The following SHROOM3 variants were observed in gnomAD, a reference collection of about 807,000 sequenced individuals.
SHROOM3 encodes the protein shroom family member 3, also known as protein Shroom3.
In SHROOM3, 47 loss-of-function variants were observed where a neutral mutation model predicts 138.6. That is an observed-to-expected ratio of 0.34 (90% CI 0.27 to 0.43). The LOEUF (loss-of-function observed/expected upper bound fraction) is 0.43. Among genes scored for constraint, SHROOM3 ranks in the 20% least tolerant of loss-of-function variants. SHROOM3 has a pLI of 1.00. For synonymous variants in SHROOM3, 1,062 were observed against 1,063.3 expected, an observed-to-expected ratio of 1.00 and a Z score of 0.02; for missense variants, 2,491 against 2,596.5, an observed-to-expected ratio of 0.96 and a Z score of 0.88.
chr4:76,558,026 G>A (rs1412606885), intron 2 of SHROOM3, among the ~76,000 whole-genome samples: 1 of 152,158 alleles, frequency 6.6e-6, no homozygotes, highest in African/African-American at 2.4e-5. Flanking sequence ...TGGAACCCAG[G>A]AGCCCAGTTT....
At position 76,709,933 on chromosome 4, in the gene SHROOM3, A is replaced by C. The variant is rs1025172778; in HGVS notation, c.324-223A>C. 14 of 528,154 alleles carry C rather than the reference A, an allele frequency of 2.7e-5. No homozygotes were observed. In the East Asian group the frequency reaches 4.8e-4, roughly 18 times the overall value. 32.7% of individuals were successfully genotyped at this position (528,154 alleles called of 1,614,324 possible). On this transcript the variant is annotated intron_variant, in intron 2 of 10. Coordinates refer to ENST00000296043, the MANE Select transcript of SHROOM3 (RefSeq NM_020859.4). ...GGGAAATAATGCTTTATTGCTTCAGAGGAACATGGATAAAAAAGGAAGACA... is the reference window on the plus strand; with the variant it reads ...GGGAAATAATGCTTTATTGCTTCAGCGGAACATGGATAAAAAAGGAAGACA...
chr4:76,730,071 T>A (rs1046974629), intron 3 of SHROOM3, among the ~76,000 whole-genome samples: 1 of 152,242 alleles, frequency 6.6e-6, no homozygotes, highest in South Asian at 2.1e-4. Flanking sequence ...GACTCTGACT[T>A]TCTATAGTCC....
In SHROOM3 at chr4:76,665,461, T is replaced by A. The variant is rs72870036; in HGVS notation, c.324-44695T>A. ...CTTGGACTGTCAGAAGAACCAGTCA[T>A]CTGGAAGAGAGCCCAGATCCATATG... On this transcript the variant is annotated intron_variant, in intron 2 of 10. Coordinates refer to ENST00000296043, the MANE Select transcript of SHROOM3 (RefSeq NM_020859.4). 5.2e-3 allele frequency among the ~76,000 whole-genome samples: 785 copies of A among 152,330 alleles called. 3 individuals carry two copies. The highest frequency in any genetic ancestry group is 0.018 in the African/African-American group (740 of 41,572).
chr4:76,626,634 T>A (rs769980069), intron 2 of SHROOM3, among the ~76,000 whole-genome samples: 16 of 152,222 alleles, frequency 1.1e-4, no homozygotes, highest in Admixed American at 3.9e-4. Flanking sequence ...AGGCATTTTA[T>A]TTGCATCATC....
At chr4:76,543,584 T>C (rs1320594423) in intron 1 of SHROOM3, among the ~76,000 whole-genome samples, 1 of 152,214 alleles carries the variant, frequency 6.6e-6, no homozygotes, top group African/African-American at 2.4e-5. Flanking sequence ...TACATGTCCA[T>C]GATGTGTCTG....
At chr4:76,562,462 C>T (rs981292170) in intron 2 of SHROOM3, among the ~76,000 whole-genome samples, 1 of 152,112 alleles carries the variant, frequency 6.6e-6, no homozygotes, top group Non-Finnish European at 1.5e-5. Flanking sequence ...CTGTAACTCA[C>T]CCAGGATTTG....
chr4:76,480,198 G>T (rs1380009676), intron 1 of SHROOM3, among the ~76,000 whole-genome samples: 2 of 152,154 alleles, frequency 1.3e-5, no homozygotes, highest in Admixed American at 6.5e-5. Context: ...CTGGCAAATT[G>T]GATAAAGAGT....
intron 9 of SHROOM3, among the ~76,000 whole-genome samples, chr4:76,765,621 T>C (rs1297248271): frequency 6.6e-6 from 1 of 152,144 alleles, no homozygotes; most frequent in East Asian, 1.9e-4. Context: ...GCCAACTGTG[T>C]GTGTAGAGTG....
chr4:76,467,606 C>T (rs185663721), intron 1 of SHROOM3, among the ~76,000 whole-genome samples: 3 of 152,292 alleles, frequency 2.0e-5, no homozygotes, highest in African/African-American at 4.8e-5. Context: ...TAATCACTCC[C>T]TATGTATTTT....
intron 2 of SHROOM3, among the ~76,000 whole-genome samples, chr4:76,668,491 T>C (rs903856354): frequency 3.9e-5 from 6 of 152,088 alleles, no homozygotes; most frequent in Non-Finnish European, 5.9e-5. Context: ...GAGAATTGCT[T>C]GAACCAAGGA....
In SHROOM3 at chr4:76,783,028, T is replaced by C. The variant is rs1722772261; in HGVS notation, c.*3851T>C. Reference sequence around the variant, plus strand: ...TTGGAATGCTTGTTAAAAATACCAATTGCTATGACAAAACCAAGTCTGCTG... The same window carrying C: ...TTGGAATGCTTGTTAAAAATACCAACTGCTATGACAAAACCAAGTCTGCTG... On this transcript the variant is annotated 3_prime_UTR_variant, in exon 11 of 11. Coordinates refer to ENST00000296043, the MANE Select transcript of SHROOM3 (RefSeq NM_020859.4). 6.6e-6 allele frequency: 1 copy of C among 152,176 alleles called. No individual in the cohort carries two copies. The highest frequency in any genetic ancestry group is 2.4e-5 in the African/African-American group (1 of 41,442). The allele number at this position is 152,176 out of a possible 1,614,324, so 9.4% of individuals were successfully genotyped here.
At chr4:76,746,185 G>T (rs1422650708) in intron 5 of SHROOM3, among the ~76,000 whole-genome samples, 2 of 152,134 alleles carry the variant, frequency 1.3e-5, no homozygotes, top group African/African-American at 4.8e-5. Context: ...ATAAAAAGAG[G>T]CTGGGAATGG....
intron 1 of SHROOM3, among the ~76,000 whole-genome samples, chr4:76,478,105 G>A (rs994080701): frequency 2.0e-4 from 31 of 152,246 alleles, no homozygotes; most frequent in African/African-American, 7.2e-4. Context: ...CCCCAGTGGT[G>A]CCTAGAATGC....
rs1718656150 is a variant in SHROOM3, at chr4:76,665,079, T to C, written c.324-45077T>C. Among the ~76,000 whole-genome samples the C allele has an allele frequency of 3.3e-5, 5 of 152,300 alleles. No homozygotes were observed. In the South Asian group the frequency reaches 1.0e-3, roughly 32 times the overall value. On this transcript the variant is annotated intron_variant, in intron 2 of 10. Coordinates refer to ENST00000296043, the MANE Select transcript of SHROOM3 (RefSeq NM_020859.4). Reference sequence around the variant, plus strand: ...GGAAGGATTCCCACCTCAAAGGGGTTCTAAGGATTTTACAGTTCTTACCAG... The same window carrying C: ...GGAAGGATTCCCACCTCAAAGGGGTCCTAAGGATTTTACAGTTCTTACCAG...
At chr4:76,685,495 T>C (rs1024107555) in intron 2 of SHROOM3, among the ~76,000 whole-genome samples, 7 of 152,212 alleles carry the variant, frequency 4.6e-5, no homozygotes, top group African/African-American at 1.7e-4. Context: ...TTGGACAAGC[T>C]TGGTATAGAT....
intron 1 of SHROOM3, among the ~76,000 whole-genome samples, chr4:76,518,362 G>A (rs149205511): frequency 6.6e-6 from 1 of 152,200 alleles, no homozygotes; most frequent in East Asian, 1.9e-4. Flanking sequence ...TCTTTGTTGT[G>A]GTTGAATGAG....
chr4:76,532,925 A>G (rs1732862987), intron 1 of SHROOM3, among the ~76,000 whole-genome samples: 1 of 150,322 alleles, frequency 6.7e-6, no homozygotes, highest in African/African-American at 2.5e-5. Context: ...AAGCACTGTG[A>G]TACTGCAACA....
Position 76,619,939 on chromosome 4 carries a change from G to A in SHROOM3, c.323+64176G>A, listed in dbSNP as rs1040153718. 7.2e-5 allele frequency among the ~76,000 whole-genome samples: 11 copies of A among 152,130 alleles called. No homozygotes were observed. The South Asian group carries it at 8.3e-4, about 11-fold the overall frequency. On this transcript the variant is annotated intron_variant, in intron 2 of 10. Coordinates refer to ENST00000296043, the MANE Select transcript of SHROOM3 (RefSeq NM_020859.4). ...TACCCAGGAGTGGTGGCACATGCCT[G>A]TAATCCGACCTACTCGGGAGGCTGA...
chr4:76,523,187 A>G (rs1021356146), intron 1 of SHROOM3, among the ~76,000 whole-genome samples: 5 of 152,138 alleles, frequency 3.3e-5, no homozygotes, highest in African/African-American at 1.2e-4. Context: ...CATCACTTCA[A>G]GCTTTGCCTC....
Sources: gnomAD v4.1 joint callset for allele counts (sites outside exome capture counted in the v4.1 genomes callset) on GRCh38, gnomAD v4.1.1 for gene constraint, MANE v1.5 for transcripts, NCBI Gene and HGNC (gene_info 2026-07-23, HGNC 2026-07-21) for gene names.